The following PCDHGA9 variants were observed in gnomAD, a reference collection of about 807,000 sequenced individuals.
The protein encoded by PCDHGA9 is protocadherin gamma subfamily A, 9.
Under a neutral mutation model 62.5 loss-of-function variants are expected in PCDHGA9, and 37 were observed. The ratio of observed to expected loss-of-function variants is 0.59; its 90% CI spans 0.46 to 0.78. The LOEUF is 0.78. Ranked by LOEUF, PCDHGA9 falls within the 30% of genes least tolerant of loss-of-function variation. The pLI is 0.00. For missense variants in PCDHGA9, 1,138 were observed against 1,166.2 expected, an observed-to-expected ratio of 0.98 and a Z score of 0.35; for synonymous variants, 459 against 484.6, an observed-to-expected ratio of 0.95 and a Z score of 0.69.
At chr5:141,423,099 G>C (rs1344463949) in intron 1 of PCDHGA9, 1 of 1,613,826 alleles carries the variant, frequency 6.2e-7, no homozygotes, top group Non-Finnish European at 8.5e-7. Flanking sequence ...GGGAGCACAC[G>C]GGCGAGGTGC....
At chr5:141,410,722 ATCC>A (rs2154543211) in intron 1 of PCDHGA9, 21 of 1,396,054 alleles carry the variant, frequency 1.5e-5, no homozygotes, top group Non-Finnish European at 2.0e-5. Context: ...TATGTTTAAA[ATCC>A]ATAGCTTTTT....
chr5:141,461,355 G>A (rs993200082), intron 1 of PCDHGA9, among the ~76,000 whole-genome samples: 3 of 152,022 alleles, frequency 2.0e-5, no homozygotes, highest in Non-Finnish European at 2.9e-5. Flanking sequence ...GTGGTAGCTC[G>A]TTGTGGTTTT....
In PCDHGA9 at chr5:141,431,797, A is replaced by T. The variant is rs754056771; in HGVS notation, c.2424+26421A>T. 6.2e-7 allele frequency: 1 copy of T among 1,614,256 alleles called. No homozygotes were observed. The highest frequency in any genetic ancestry group is 2.2e-5 in the East Asian group (1 of 44,882). ...TGGACGTGAACGACAATGCCCCAGAAGTGGTCCTCACCTCTCTCGCCAGCT... is the reference window on the plus strand; with the variant it reads ...TGGACGTGAACGACAATGCCCCAGATGTGGTCCTCACCTCTCTCGCCAGCT... On this transcript the variant is annotated intron_variant, in intron 1 of 3. Coordinates refer to ENST00000573521, the MANE Select transcript of PCDHGA9 (RefSeq NM_018921.3). This position sits in a 1 kb window ranked among gnomAD's most constrained non-coding sequence, Gnocchi z 4.8.
chr5:141,413,283 C>G (rs377443382), intron 1 of PCDHGA9: 1 of 1,613,966 alleles, frequency 6.2e-7, no homozygotes, highest in Admixed American at 1.7e-5. Context: ...GGCAGATCTC[C>G]TACTCAATTC....
At chr5:141,419,972 C>T (rs534128024) in intron 1 of PCDHGA9, 3 of 1,613,948 alleles carry the variant, frequency 1.9e-6, no homozygotes, top group South Asian at 1.1e-5. Flanking sequence ...GCTCTTTCTC[C>T]TCGCGGTGAT....
At chr5:141,421,141 G>A (rs7732160) in intron 1 of PCDHGA9, 49,996 of 938,386 alleles carry the variant, frequency 0.053, 1,680 homozygotes, top group African/African-American at 0.14. Flanking sequence ...TATTTTGGAT[G>A]TAGTCGGCCT....
chr5:141,466,518 T>C (rs1430823209), intron 1 of PCDHGA9, among the ~76,000 whole-genome samples: 2 of 152,222 alleles, frequency 1.3e-5, no homozygotes, highest in Admixed American at 6.5e-5. Flanking sequence ...TCATTTTTTT[T>C]CCTCCCAAAT....
chr5:141,427,994 C>T, intron 1 of PCDHGA9: 1 of 1,599,396 alleles, frequency 6.3e-7, no homozygotes, highest in Non-Finnish European at 8.6e-7. Flanking sequence ...CCGATGGCTC[C>T]GCACTCTTCG....
intron 1 of PCDHGA9, chr5:141,419,521 C>T (rs1418329404): frequency 1.2e-6 from 2 of 1,612,122 alleles, no homozygotes; most frequent in East Asian, 2.2e-5. Context: ...TGGTGGGCGA[C>T]CGTAACGACA....
chr5:141,441,672 GCCTTCGA>G (rs1327551430), intron 1 of PCDHGA9: 1 of 290,468 alleles, frequency 3.4e-6, no homozygotes, highest in Non-Finnish European at 6.8e-6. Flanking sequence ...CGCACAGTGC[GCCTTCGA>G]CCAAGAGCAG....
chr5:141,502,003 G>A (rs945565369), intron 2 of PCDHGA9, among the ~76,000 whole-genome samples: 17 of 151,966 alleles, frequency 1.1e-4, no homozygotes, highest in Admixed American at 1.1e-3. Flanking sequence ...CTGACAACCC[G>A]CATGCTCTCC....
At chr5:141,507,815 C>G (rs936926937) in intron 3 of PCDHGA9, among the ~76,000 whole-genome samples, 2 of 152,204 alleles carry the variant, frequency 1.3e-5, no homozygotes, top group African/African-American at 4.8e-5. Context: ...GGAACGGACC[C>G]TGGGGGTGGA....
rs1235728365 is a variant in PCDHGA9 at position 141,485,502 on chromosome 5, C to T, written c.2425-9305C>T. ...TGCATCGTGCCCCTGGAGTTTGTCACCGAAGGTCCTTTGGAAATGTACCGA... is the reference window on the plus strand; with the variant it reads ...TGCATCGTGCCCCTGGAGTTTGTCATCGAAGGTCCTTTGGAAATGTACCGA... On this transcript the variant is annotated intron_variant, in intron 1 of 3. Transcript: ENST00000573521. This position sits in a 1 kb window ranked among gnomAD's most constrained non-coding sequence, Gnocchi z 5.7. 2 of 1,614,114 alleles carry T rather than the reference C, an allele frequency of 1.2e-6. No homozygotes were observed. Among genetic ancestry groups the T allele is most frequent in the Non-Finnish European group, 8.5e-7 (1 of 1,180,044 alleles).
chr5:141,506,380 T>C (rs1209879935), intron 3 of PCDHGA9, among the ~76,000 whole-genome samples: 1 of 141,314 alleles, frequency 7.1e-6, no homozygotes, highest in Non-Finnish European at 1.5e-5. Flanking sequence ...ACCTGGGAGG[T>C]GGCTGTGGTG....
At chr5:141,409,538 A>G (rs772375542) in intron 1 of PCDHGA9, 5 of 1,613,844 alleles carry the variant, frequency 3.1e-6, no homozygotes, top group Non-Finnish European at 4.2e-6. Flanking sequence ...CGCTGACATC[A>G]ACGACAACGC....
chr5:141,412,343 A>T (rs928223487), intron 1 of PCDHGA9: 2 of 152,166 alleles, frequency 1.3e-5, no homozygotes, highest in African/African-American at 4.8e-5. Context: ...ATATATGTTC[A>T]TTTTAGTTTG....
chr5:141,478,101 T>G, intron 1 of PCDHGA9: 1 of 1,614,018 alleles, frequency 6.2e-7, no homozygotes, highest in Middle Eastern at 1.6e-4. Flanking sequence ...ACTGCTACCC[T>G]CACTGTGTCA....
At chr5:141,448,822 G>A (rs924937891) in intron 1 of PCDHGA9, among the ~76,000 whole-genome samples, 4 of 152,048 alleles carry the variant, frequency 2.6e-5, no homozygotes, top group African/African-American at 9.7e-5. Context: ...GCGGGCGCCT[G>A]TAGTCCCAGC....
chr5:141,510,814 C>CA, intron 3 of PCDHGA9, 133 bp from the exon 4 acceptor site: 1 of 1,544,688 alleles, frequency 6.5e-7, no homozygotes, highest in Admixed American at 1.8e-5. Flanking sequence ...TTGGTGACCC[C>CA]TATATTCCCA....
Sources: gnomAD v4.1 joint callset for allele counts (sites outside exome capture counted in the v4.1 genomes callset) on GRCh38, gnomAD v4.1.1 for gene constraint, Gnocchi (gnomAD v3.1) non-coding constraint, MANE v1.5 for transcripts, NCBI Gene and HGNC (gene_info 2026-07-23, HGNC 2026-07-21) for gene names.